KLF8: variants seen among roughly 807,000 people sequenced by gnomAD.
KLF8 encodes the protein Krueppel-like factor 8.
In KLF8, 10 loss-of-function variants were observed where a neutral mutation model predicts 18.2. The ratio of observed to expected loss-of-function variants is 0.55; its 90% confidence interval spans 0.34 to 0.93. The LOEUF is 0.93. Among genes scored for constraint, KLF8 ranks in the 40% least tolerant of loss-of-function variants. The pLI, the probability that KLF8 is intolerant of heterozygous loss-of-function variation, is 0.02. For synonymous variants in KLF8, 109 were observed against 97.3 expected, an observed-to-expected ratio of 1.12 and a Z score of -0.71; for missense variants, 264 against 277.9, an observed-to-expected ratio of 0.95 and a Z score of 0.36.
At chrX:56,052,877 C>A in the KLF8 span, among the ~76,000 whole-genome samples, 1 of 111,567 alleles carries the variant, frequency 9.0e-6, no homozygotes, top group African/African-American at 3.3e-5. Context: ...CTCCTGCGGC[C>A]TTGCAGTTTG....
At chrX:56,096,583 G>A in the KLF8 span, among the ~76,000 whole-genome samples, 1 of 111,402 alleles carries the variant, frequency 9.0e-6, no homozygotes, top group African/African-American at 3.3e-5. Flanking sequence ...ATATATTAAA[G>A]ATCTAAAAAT....
chrX:56,160,946 T>C, the KLF8 span, among the ~76,000 whole-genome samples: 1 of 111,287 alleles, frequency 9.0e-6, no homozygotes, highest in East Asian at 2.8e-4. Context: ...TGTTAGCTGG[T>C]TATTTTGCTC....
the KLF8 span, among the ~76,000 whole-genome samples, chrX:56,158,406 G>GT: frequency 5.4e-5 from 6 of 111,958 alleles, no homozygotes; most frequent in Admixed American, 3.8e-4. Flanking sequence ...CTTTAAAGTA[G>GT]TTTTTTCCAA....
the KLF8 span, among the ~76,000 whole-genome samples, chrX:56,221,694 G>A: frequency 5.4e-5 from 6 of 111,336 alleles, no homozygotes; most frequent in South Asian, 3.9e-4. Context: ...CGGTGGGTTC[G>A]TGGTCTCGCT....
chrX:56,243,008 T>A (rs2066568013), intron 1 of KLF8: 3 of 500,118 alleles, frequency 6.0e-6, no homozygotes, highest in Non-Finnish European at 1.1e-5. Context: ...TATGCCTTCT[T>A]CTCTCCATCA....
chrX:56,077,041 G>A, the KLF8 span, among the ~76,000 whole-genome samples: 20 of 111,352 alleles, frequency 1.8e-4, no homozygotes, highest in Admixed American at 1.7e-3. Context: ...CTGGATATTA[G>A]CCCTTTGTCA....
the KLF8 span, among the ~76,000 whole-genome samples, chrX:56,160,693 CAG>C: frequency 3.6e-5 from 4 of 111,423 alleles, no homozygotes; most frequent in Non-Finnish European, 5.6e-5. Flanking sequence ...TCTGTTTTAT[CAG>C]AGACTAGGAT....
the KLF8 span, among the ~76,000 whole-genome samples, chrX:55,960,182 A>G: frequency 8.9e-6 from 1 of 112,356 alleles, no homozygotes; most frequent in East Asian, 2.8e-4. Flanking sequence ...TTTTCATACA[A>G]GCAAGTGATA....
the KLF8 span, among the ~76,000 whole-genome samples, chrX:56,104,775 C>G: frequency 9.0e-6 from 1 of 111,050 alleles, no homozygotes; most frequent in African/African-American, 3.3e-5. Context: ...TGTGTTTACT[C>G]TTGCTTCTCT....
intron 5 of KLF8, among the ~76,000 whole-genome samples, chrX:56,283,274 C>G (rs1347394121): frequency 8.9e-6 from 1 of 112,299 alleles, no homozygotes; most frequent in Non-Finnish European, 1.9e-5. Flanking sequence ...ATTACATGCC[C>G]TTGAGTTTCT....
the KLF8 span, among the ~76,000 whole-genome samples, chrX:56,068,738 C>T: frequency 1.8e-5 from 2 of 108,350 alleles, no homozygotes; most frequent in African/African-American, 6.7e-5. Flanking sequence ...GCAATGCATG[C>T]TAGAGCTTCC....
the KLF8 span, among the ~76,000 whole-genome samples, chrX:55,982,860 C>G: frequency 3.6e-5 from 4 of 111,899 alleles, no homozygotes; most frequent in Non-Finnish European, 7.5e-5. Context: ...TCAGAGGTCA[C>G]AAATATAAAT....
At chrX:55,949,198 A>G in the KLF8 span, among the ~76,000 whole-genome samples, 2 of 111,540 alleles carry the variant, frequency 1.8e-5, no homozygotes, top group Non-Finnish European at 3.8e-5. Context: ...AGTATATTTT[A>G]TTGATGAATC....
At chrX:56,203,938 T>C in the KLF8 span, among the ~76,000 whole-genome samples, 443 of 111,624 alleles carry the variant, frequency 4.0e-3, 1 homozygote, top group African/African-American at 0.014. Flanking sequence ...CATTTTGGAA[T>C]AGTTTTTTCT....
At chrX:56,041,556 G>A in the KLF8 span, among the ~76,000 whole-genome samples, 1 of 106,490 alleles carries the variant, frequency 9.4e-6, no homozygotes, top group Non-Finnish European at 1.9e-5. Flanking sequence ...CTTCAGTTTA[G>A]CTCTGATCTT....
At chrX:55,990,166 A>G in the KLF8 span, among the ~76,000 whole-genome samples, 5 of 111,655 alleles carry the variant, frequency 4.5e-5, no homozygotes, top group Non-Finnish European at 9.4e-5. Context: ...TCCTGGATTC[A>G]TTGATTTTTT....
chrX:56,084,917 T>G, the KLF8 span, among the ~76,000 whole-genome samples: 19 of 112,275 alleles, frequency 1.7e-4, no homozygotes, highest in Non-Finnish European at 3.0e-4. Context: ...CTCATATGAT[T>G]GGCCAATGGC....
the KLF8 span, among the ~76,000 whole-genome samples, chrX:56,078,965 A>G: frequency 9.4e-6 from 1 of 106,040 alleles, no homozygotes; most frequent in South Asian, 4.1e-4. Context: ...GGTAGTTTGT[A>G]TTTCTGTGGG....
the KLF8 span, among the ~76,000 whole-genome samples, chrX:56,218,960 T>A: frequency 8.9e-6 from 1 of 112,204 alleles, no homozygotes; most frequent in African/African-American, 3.2e-5. Flanking sequence ...AAATGAATTA[T>A]CAAAAATAGT....
Sources: allele counts gnomAD v4.1 joint callset (sites outside exome capture counted in the v4.1 genomes callset), GRCh38; gene constraint gnomAD v4.1.1; transcripts MANE v1.5; gene names NCBI Gene and HGNC (gene_info 2026-07-23, HGNC 2026-07-21).